The following FOXN2 variants were observed in gnomAD, a reference collection of about 807,000 sequenced individuals.
FOXN2 encodes the protein forkhead box N2.
A neutral mutation model predicts 41.2 loss-of-function variants in FOXN2; 19 were observed. That is an observed-to-expected ratio of 0.46 (90% CI 0.32 to 0.68). The LOEUF (loss-of-function observed/expected upper bound fraction) is 0.68. Among genes scored for constraint, FOXN2 ranks in the 30% least tolerant of loss-of-function variants. The pLI is 0.03. For missense variants in FOXN2, 587 were observed against 509.4 expected, an observed-to-expected ratio of 1.15 and a Z score of -1.47; for synonymous variants, 195 against 176.8, an observed-to-expected ratio of 1.10 and a Z score of -0.82.
At chr2:48,318,611 A>C (rs1669088291) in intron 1 of FOXN2, among the ~76,000 whole-genome samples, 1 of 152,228 alleles carries the variant, frequency 6.6e-6, no homozygotes, top group Admixed American at 6.5e-5. Context: ...TGCCATACTC[A>C]AAAACCTTAA....
intron 3 of FOXN2, among the ~76,000 whole-genome samples, chr2:48,354,425 C>A (rs1347392274): frequency 6.6e-6 from 1 of 152,150 alleles, no homozygotes; most frequent in South Asian, 2.1e-4. Context: ...CAGAGTGAAA[C>A]CCCATCTCTA....
rs183370204 is a variant in FOXN2 at position 48,335,915 on chromosome 2, C to T, written c.-15+7213C>T. Among the ~76,000 whole-genome samples, 281 of 152,000 alleles carry T rather than the reference C, an allele frequency of 1.8e-3. 2 individuals are homozygous for T. Among genetic ancestry groups the T allele is most frequent in the African/African-American group, 6.3e-3 (263 of 41,450 alleles). ...TGGTGGCAGGCGCCTATAGTCCCAG[C>T]TCCTCGGGAGGCTGAGGCAGGAGAA... On this transcript the variant is annotated intron_variant, in intron 2 of 6. Transcript: ENST00000340553.
chr2:48,366,944 A>G (rs531020270), intron 5 of FOXN2, among the ~76,000 whole-genome samples: 13 of 152,134 alleles, frequency 8.5e-5, no homozygotes, highest in Non-Finnish European at 1.8e-4. Flanking sequence ...CCAATATTAA[A>G]ACTTACATAT....
At chr2:48,331,285 T>G (rs1670005536) in intron 2 of FOXN2, among the ~76,000 whole-genome samples, 1 of 152,184 alleles carries the variant, frequency 6.6e-6, no homozygotes, top group Non-Finnish European at 1.5e-5. Context: ...GGATGAAATA[T>G]AAATTTTAAA....
chr2:48,329,185 T>C (rs1669871988), intron 2 of FOXN2, among the ~76,000 whole-genome samples: 1 of 152,158 alleles, frequency 6.6e-6, no homozygotes. Context: ...ACACTTTTAT[T>C]TTTGAGACAA....
At chr2:48,356,308 G>A (rs923886745) in intron 3 of FOXN2, among the ~76,000 whole-genome samples, 2 of 151,878 alleles carry the variant, frequency 1.3e-5, no homozygotes, top group African/African-American at 2.4e-5. Context: ...GGGCATGGTG[G>A]TGCACACCTG....
chr2:48,338,012 G>A (rs1406121116), intron 2 of FOXN2, among the ~76,000 whole-genome samples: 2 of 152,102 alleles, frequency 1.3e-5, no homozygotes, highest in Non-Finnish European at 2.9e-5. Flanking sequence ...TTTCATCCAT[G>A]CACCATAGAA....
intron 1 of FOXN2, among the ~76,000 whole-genome samples, chr2:48,316,193 C>G (rs958292350): frequency 1.3e-5 from 2 of 152,094 alleles, no homozygotes; most frequent in African/African-American, 4.8e-5. Context: ...TTAAGACTTA[C>G]CTCTGTTACC....
chr2:48,351,552 A>G (rs1286522312), intron 3 of FOXN2, among the ~76,000 whole-genome samples: 1 of 152,144 alleles, frequency 6.6e-6, no homozygotes, highest in East Asian at 1.9e-4. Flanking sequence ...AGGTGGGGAC[A>G]TGGGATATGG....
chr2:48,362,575 A>C, intron 4 of FOXN2, 68 bp from the exon 5 acceptor site: 3 of 1,447,938 alleles, frequency 2.1e-6, no homozygotes, highest in Non-Finnish European at 2.9e-6. Context: ...AGAACCTGTC[A>C]AAAATTAGGG....
intron 1 of FOXN2, among the ~76,000 whole-genome samples, chr2:48,316,490 A>G (rs958269028): frequency 2.6e-5 from 4 of 152,236 alleles, no homozygotes; most frequent in East Asian, 3.8e-4. Context: ...TGATCTAAAC[A>G]TACGTAAATA....
intron 4 of FOXN2, among the ~76,000 whole-genome samples, chr2:48,360,742 G>A (rs1672117716): frequency 6.6e-6 from 1 of 150,814 alleles, no homozygotes; most frequent in Admixed American, 6.6e-5. Flanking sequence ...AGAAACTAAT[G>A]GTGAGTTCTA....
chr2:48,321,331 C>T (rs1321882042), intron 1 of FOXN2, among the ~76,000 whole-genome samples: 6 of 152,002 alleles, frequency 3.9e-5, no homozygotes, highest in Admixed American at 2.0e-4. Context: ...GTCAGGAGAT[C>T]GAGACCGTCT....
chr2:48,331,035 A>G (rs1277337551), intron 2 of FOXN2, among the ~76,000 whole-genome samples: 1 of 152,216 alleles, frequency 6.6e-6, no homozygotes, highest in Non-Finnish European at 1.5e-5. Flanking sequence ...AACAGATGGC[A>G]TGGTTCTTTT....
chr2:48,375,240 A>C lies in FOXN2; in HGVS notation c.1093A>C (p.Ser365Arg). Residue 365 changes from serine to arginine, a missense_variant, in exon 7 of 7, where the codon AGT (serine) becomes CGT (arginine). Physicochemically the swap from Ser to Arg is moderately radical, Grantham distance 110 (BLOSUM62 -1). Transcript: ENST00000340553. ...VDYEDDPLGD[S>R]GYASQPCAKI... ...TTATGAAGATGATCCTCTTGGAGAC[A>C]GTGGCTATGCATCACAGCCTTGTGC... is the stretch of plus-strand genomic sequence containing the variant. 6.2e-7 allele frequency: 1 copy of C among 1,614,130 alleles called. No individual in the cohort carries two copies. The highest frequency in any genetic ancestry group is 8.5e-7 in the Non-Finnish European group (1 of 1,180,000).
intron 3 of FOXN2, 40 bp from the exon 4 acceptor site, chr2:48,359,007 G>T: frequency 7.0e-7 from 1 of 1,437,180 alleles, no homozygotes; most frequent in Non-Finnish European, 9.8e-7. Flanking sequence ...GACTGTTTAT[G>T]TATAAAAGTT....
chr2:48,326,239 G>C (rs989950276), intron 1 of FOXN2, among the ~76,000 whole-genome samples: 1 of 152,156 alleles, frequency 6.6e-6, no homozygotes, highest in Non-Finnish European at 1.5e-5. Flanking sequence ...CAGGCAGAGG[G>C]ACTAGGATTT....
Position 48,315,747 on chromosome 2 carries a change from C to G in FOXN2, c.-157+933C>G, listed in dbSNP as rs74916538. Among the ~76,000 whole-genome samples the G allele has an allele frequency of 1.8e-3, 268 of 152,328 alleles. 2 individuals carry two copies. Among genetic ancestry groups the G allele is most frequent in the Middle Eastern group, 3.4e-3 (1 of 294 alleles). On this transcript the variant is annotated intron_variant, in intron 1 of 6. Transcript: ENST00000340553. ...CCTTTTGCACCTTTGCAAAATGCCT[C>G]TTTTTCCACTGCATCTCTCGGGAGT...
intron 5 of FOXN2, among the ~76,000 whole-genome samples, chr2:48,368,708 C>G (rs912544314): frequency 6.6e-6 from 1 of 152,124 alleles, no homozygotes; most frequent in Non-Finnish European, 1.5e-5. Flanking sequence ...ACGAACGAAT[C>G]AACGAAAATA....
Sources: allele counts gnomAD v4.1 joint callset (sites outside exome capture counted in the v4.1 genomes callset), GRCh38; gene constraint gnomAD v4.1.1; transcripts MANE v1.5; gene names NCBI Gene and HGNC (gene_info 2026-07-23, HGNC 2026-07-21).